Variants in NSD3 observed in about 807,000 individuals in gnomAD.
NSD3 encodes the protein histone-lysine N-methyltransferase NSD3.
Under a neutral mutation model 160.8 loss-of-function variants are expected in NSD3, and 24 were observed. That is an observed-to-expected ratio of 0.15 (90% CI 0.11 to 0.21). NSD3 has a LOEUF of 0.21. Ranked by LOEUF, NSD3 falls within the 10% of genes least tolerant of loss-of-function variation. The pLI is 1.00. For missense variants in NSD3, 1,157 were observed against 1,735.9 expected, an observed-to-expected ratio of 0.67 and a Z score of 5.93; for synonymous variants, 520 against 600.0, an observed-to-expected ratio of 0.87 and a Z score of 1.95.
intron 23 of NSD3, 103 bp from the exon 24 acceptor site, chr8:38,275,985 G>T: frequency 1.0e-6 from 1 of 972,404 alleles, no homozygotes; most frequent in Non-Finnish European, 1.5e-6. Context: ...ATTGGAGATG[G>T]AATTCAATTG....
chr8:38,337,169 C>A, intron 4 of NSD3, 136 bp downstream of exon 4: 3 of 872,744 alleles, frequency 3.4e-6, no homozygotes, highest in South Asian at 4.2e-5. Context: ...AAAAAAAATC[C>A]ACAAAACTGA....
chr8:38,307,931 T>C (rs1809447202), intron 12 of NSD3, among the ~76,000 whole-genome samples: 1 of 152,228 alleles, frequency 6.6e-6, no homozygotes, highest in Non-Finnish European at 1.5e-5. Context: ...AAAACATAAA[T>C]GGATAAGACA....
At chr8:38,293,447 G>A (rs1324998700) in intron 16 of NSD3, among the ~76,000 whole-genome samples, 1 of 151,498 alleles carries the variant, frequency 6.6e-6, no homozygotes, top group East Asian at 2.0e-4. Context: ...CTACTCGGGG[G>A]GCTGAGGCAG....
intron 1 of NSD3, among the ~76,000 whole-genome samples, chr8:38,363,088 G>C (rs1811022642): frequency 6.6e-6 from 1 of 152,168 alleles, no homozygotes; most frequent in Non-Finnish European, 1.5e-5. Context: ...GTCATGGAAA[G>C]AAAAACAAAA....
chr8:38,346,233 ATG>A (rs1053046516), intron 2 of NSD3, among the ~76,000 whole-genome samples: 2 of 148,440 alleles, frequency 1.3e-5, no homozygotes, highest in African/African-American at 4.9e-5. Flanking sequence ...GCATATGTAT[ATG>A]TGTGTACATA....
intron 19 of NSD3, among the ~76,000 whole-genome samples, chr8:38,282,271 T>C (rs747873949): frequency 2.0e-5 from 3 of 152,222 alleles, no homozygotes; most frequent in African/African-American, 4.8e-5. Context: ...ACCACAGAGA[T>C]TCCTTGTGAT....
chr8:38,340,878 T>C (rs538131511), intron 2 of NSD3, among the ~76,000 whole-genome samples: 33 of 152,206 alleles, frequency 2.2e-4, no homozygotes, highest in Non-Finnish European at 2.4e-4. Flanking sequence ...AAAAAGTAAG[T>C]GCTATGGCTC....
chr8:38,338,655 CA>C, intron 2 of NSD3, 48 bp from the exon 3 acceptor site: 1 of 1,420,706 alleles, frequency 7.0e-7, no homozygotes, highest in Non-Finnish European at 9.9e-7. Context: ...ATTAAATAAA[CA>C]AACAAACAAA....
intron 1 of NSD3, among the ~76,000 whole-genome samples, chr8:38,372,791 C>T (rs1337824058): frequency 2.0e-5 from 3 of 150,164 alleles, no homozygotes; most frequent in African/African-American, 7.3e-5. Flanking sequence ...CCACTGCGCC[C>T]GGCCGCAGGT....
At position 38,274,565 on chromosome 8, in the gene NSD3, C is replaced by T. The variant is rs1808555125; in HGVS notation, c.*1076G>A. 1 of 152,190 alleles carries T rather than the reference C, an allele frequency of 6.6e-6. No homozygotes were observed. Among genetic ancestry groups the T allele is most frequent in the Non-Finnish European group, 1.5e-5 (1 of 68,038 alleles). The allele number at this position is 152,190 out of a possible 1,614,324, so 9.4% of individuals were successfully genotyped here. On this transcript the variant is annotated 3_prime_UTR_variant, in exon 24 of 24. Coordinates refer to ENST00000317025, the MANE Select transcript of NSD3 (RefSeq NM_023034.2). ...AGGAACTCAACCAAAAAGATCTATT[C>T]AAATACAATTCAAACTCACTTGTGT... is the stretch of plus-strand genomic sequence containing the variant.
chr8:38,333,535 C>T (rs1387626271), intron 4 of NSD3, among the ~76,000 whole-genome samples: 1 of 152,230 alleles, frequency 6.6e-6, no homozygotes, highest in African/African-American at 2.4e-5. Flanking sequence ...GTGTGAAAAA[C>T]TGTTAAGTAC....
Position 38,329,924 on chromosome 8 carries a change from C to A in NSD3, c.1066-31G>T. 1 of 1,535,014 alleles carries A rather than the reference C, an allele frequency of 6.5e-7. No homozygotes were observed. The highest frequency in any genetic ancestry group is 1.3e-5 in the South Asian group (1 of 78,704). On this transcript the variant is annotated intron_variant, in intron 5 of 23. Transcript: ENST00000317025. This position sits in a 1 kb window ranked among gnomAD's most constrained non-coding sequence, Gnocchi z 4.8. ...AAAAAGATAGAGATTATCAGACATG[C>A]TTTACTCTAATAGGTACATTAAAAT... is the stretch of plus-strand genomic sequence containing the variant.
At chr8:38,340,648 T>A (rs568806529) in intron 2 of NSD3, among the ~76,000 whole-genome samples, 99 of 152,022 alleles carry the variant, frequency 6.5e-4, no homozygotes, top group Non-Finnish European at 1.2e-3. Context: ...TAAAAAGATT[T>A]TTAAGTTTTA....
chr8:38,349,459 T>C (rs1040695817), intron 1 of NSD3, among the ~76,000 whole-genome samples: 7 of 151,762 alleles, frequency 4.6e-5, no homozygotes, highest in African/African-American at 1.2e-4. Flanking sequence ...GCTGAGATTA[T>C]AGGCATGAGT....
intron 14 of NSD3, 196 bp from the exon 15 acceptor site, chr8:38,299,786 C>T (rs917815664): frequency 1.9e-5 from 8 of 418,738 alleles, no homozygotes; most frequent in African/African-American, 1.6e-4. Flanking sequence ...TACTCAATTC[C>T]TTATCCCTAT....
intron 22 of NSD3, among the ~76,000 whole-genome samples, chr8:38,277,255 G>A (rs1455450204): frequency 6.6e-6 from 1 of 151,866 alleles, no homozygotes; most frequent in Non-Finnish European, 1.5e-5. Flanking sequence ...ACTGACTTTT[G>A]AATAGGGTGC....
chr8:38,286,304 A>AACAC lies in NSD3; in HGVS notation c.3501+2179_3501+2182dup, dbSNP rs374884732. Among the ~76,000 whole-genome samples, 3 of 151,318 alleles carry AACAC rather than the reference A, an allele frequency of 2.0e-5. No individual in the cohort carries two copies. The East Asian group carries it at 5.8e-4, about 29-fold the overall frequency. ...CTCCTGGCCAACCACATAACAAACA[A>AACAC]ACACACACACACACACCCCAAAACA... On this transcript the variant is annotated intron_variant, in intron 19 of 23. Transcript: ENST00000317025.
At chr8:38,337,881 T>C (rs1173957147) in intron 3 of NSD3, among the ~76,000 whole-genome samples, 5 of 152,232 alleles carry the variant, frequency 3.3e-5, no homozygotes, top group Admixed American at 6.5e-5. Flanking sequence ...AATTATACTT[T>C]TCTCTGATGC....
intron 19 of NSD3, among the ~76,000 whole-genome samples, chr8:38,284,731 A>G (rs1808818715): frequency 6.6e-6 from 1 of 152,236 alleles, no homozygotes; most frequent in Non-Finnish European, 1.5e-5. Flanking sequence ...GAGAATTTCA[A>G]CCAAATCAGC....
Sources: gnomAD v4.1 joint callset for allele counts (sites outside exome capture counted in the v4.1 genomes callset) on GRCh38, gnomAD v4.1.1 for gene constraint, Gnocchi (gnomAD v3.1) non-coding constraint, MANE v1.5 for transcripts, NCBI Gene and HGNC (gene_info 2026-07-23, HGNC 2026-07-21) for gene names.